The following ARHGEF10L variants were observed in gnomAD, a reference collection of about 807,000 sequenced individuals.
The protein encoded by ARHGEF10L is Rho guanine nucleotide exchange factor 10 like, also known as rho guanine nucleotide exchange factor 10-like protein.
ARHGEF10L carries 69 observed loss-of-function variants against 141.2 expected under a neutral mutation model. The observed-to-expected ratio is 0.49, with a 90% CI of 0.40 to 0.60. The LOEUF is 0.60. Ranked by LOEUF, ARHGEF10L falls within the 20% of genes least tolerant of loss-of-function variation. ARHGEF10L has a pLI of 0.00. For synonymous variants in ARHGEF10L, 711 were observed against 718.5 expected, an observed-to-expected ratio of 0.99 and a Z score of 0.17; for missense variants, 1,482 against 1,734.3, an observed-to-expected ratio of 0.85 and a Z score of 2.58.
chr1:17,676,428 A>ATGGGTGCAGGTG (rs534887362), intron 26 of ARHGEF10L, among the ~76,000 whole-genome samples: 1 of 130,606 alleles, frequency 7.7e-6, no homozygotes, highest in Non-Finnish European at 1.7e-5. Context: ...AGGTGCAGGC[A>ATGGGTGCAGGTG]TGGGTGCAGG....
At chr1:17,688,315 G>A (rs1340290461) in intron 27 of ARHGEF10L, among the ~76,000 whole-genome samples, 4 of 152,196 alleles carry the variant, frequency 2.6e-5, no homozygotes, top group South Asian at 2.1e-4. Context: ...GGGGAATGGC[G>A]GCGAAGGATT....
At position 17,638,550 on chromosome 1, in the gene ARHGEF10L, C is replaced by A; in HGVS notation, c.2044-12C>A. 1 of 1,614,160 alleles carries A rather than the reference C, an allele frequency of 6.2e-7. No homozygotes were observed. Among genetic ancestry groups the A allele is most frequent in the East Asian group, 2.2e-5 (1 of 44,886 alleles). ...TGCTGTGTGGTGACCTCATTGGCCT[C>A]CTGAACCCTAGAACCTGAACATGAC... On this transcript the variant is annotated splice_polypyrimidine_tract_variant and intron_variant, in intron 19 of 28. Coordinates refer to ENST00000361221, the MANE Select transcript of ARHGEF10L (RefSeq NM_018125.4).
chr1:17,544,511 T>C (rs1055466272), intron 1 of ARHGEF10L, among the ~76,000 whole-genome samples: 1 of 152,070 alleles, frequency 6.6e-6, no homozygotes, highest in Non-Finnish European at 1.5e-5. Flanking sequence ...GCCAGGCTGG[T>C]CTCAAACTCC....
At chr1:17,562,277 C>T (rs773194484) in intron 1 of ARHGEF10L, among the ~76,000 whole-genome samples, 1 of 152,132 alleles carries the variant, frequency 6.6e-6, no homozygotes, top group Non-Finnish European at 1.5e-5. Context: ...ATTGGCTGGG[C>T]GTGGTGGCGT....
chr1:17,653,350 G>C (rs776342710), intron 22 of ARHGEF10L, among the ~76,000 whole-genome samples: 1 of 152,212 alleles, frequency 6.6e-6, no homozygotes, highest in Admixed American at 6.5e-5. Context: ...ACATTTAGGG[G>C]CTAGGGCCTT....
chr1:17,606,883 G>A (rs942237625), intron 6 of ARHGEF10L, among the ~76,000 whole-genome samples: 2 of 152,192 alleles, frequency 1.3e-5, no homozygotes, highest in Non-Finnish European at 1.5e-5. Flanking sequence ...TCTCATAGCC[G>A]AGTTGAATGG....
intron 4 of ARHGEF10L, among the ~76,000 whole-genome samples, chr1:17,588,882 G>C (rs868493379): frequency 4.7e-5 from 5 of 106,242 alleles, no homozygotes; most frequent in African/African-American, 1.1e-4. Context: ...GTGTGTGTGT[G>C]TGTGTGTGTG....
At chr1:17,598,506 C>T (rs748110756) in intron 4 of ARHGEF10L, among the ~76,000 whole-genome samples, 5 of 152,144 alleles carry the variant, frequency 3.3e-5, no homozygotes, top group Non-Finnish European at 5.9e-5. Flanking sequence ...TAGATGACAC[C>T]TTCTCACTGT....
intron 7 of ARHGEF10L, among the ~76,000 whole-genome samples, chr1:17,612,285 A>G (rs1021431386): frequency 2.0e-5 from 3 of 151,648 alleles, no homozygotes; most frequent in African/African-American, 7.3e-5. Context: ...TGGTTGTTAA[A>G]TATTTGCCAG....
chr1:17,634,668 A>G (rs2060896316), intron 17 of ARHGEF10L, 106 bp downstream of exon 17: 4 of 1,508,470 alleles, frequency 2.7e-6, no homozygotes, highest in Admixed American at 2.1e-5. Flanking sequence ...TGGTGCTTCT[A>G]CCCTGGCGAG....
At position 17,547,052 on chromosome 1, in the gene ARHGEF10L, C is replaced by T. The variant is rs1026743607; in HGVS notation, c.-44+7102C>T. 6.6e-5 allele frequency among the ~76,000 whole-genome samples: 10 copies of T among 152,218 alleles called. 1 individual carries two copies. The South Asian group carries it at 1.0e-3, about 16-fold the overall frequency. On this transcript the variant is annotated intron_variant, in intron 1 of 28. Coordinates refer to ENST00000361221, the MANE Select transcript of ARHGEF10L (RefSeq NM_018125.4). Reference sequence around the variant, plus strand: ...CACTCTTGTGTCTTTCCTTGAGCAGCGCCAACCCTCCCAGGGCCTGGCCCG... The same window carrying T: ...CACTCTTGTGTCTTTCCTTGAGCAGTGCCAACCCTCCCAGGGCCTGGCCCG...
At chr1:17,635,249 C>T (rs1246288666) in intron 18 of ARHGEF10L, among the ~76,000 whole-genome samples, 1 of 152,196 alleles carries the variant, frequency 6.6e-6, no homozygotes, top group African/African-American at 2.4e-5. Context: ...CTTTGCTCCA[C>T]CTTCACATTG....
intron 1 of ARHGEF10L, among the ~76,000 whole-genome samples, chr1:17,579,933 G>A (rs964844333): frequency 6.6e-6 from 1 of 152,236 alleles, no homozygotes; most frequent in Non-Finnish European, 1.5e-5. Flanking sequence ...GTGCCCCCAC[G>A]CTGAGCATTT....
the ARHGEF10L span, among the ~76,000 whole-genome samples, chr1:17,526,953 C>A: frequency 2.6e-5 from 4 of 151,710 alleles, no homozygotes; most frequent in African/African-American, 9.7e-5. Context: ...CAGGATGCCT[C>A]GTTGTGCTGT....
chr1:17,637,483 G>A (rs1263801102), intron 18 of ARHGEF10L, among the ~76,000 whole-genome samples: 1 of 151,464 alleles, frequency 6.6e-6, no homozygotes, highest in Non-Finnish European at 1.5e-5. Context: ...GTAGGAACTG[G>A]ATGTTACTTT....
chr1:17,536,504 T>C (rs183875269), upstream of ARHGEF10L, among the ~76,000 whole-genome samples: 19 of 152,150 alleles, frequency 1.2e-4, no homozygotes, highest in East Asian at 3.5e-3. Context: ...AATGTGCTTC[T>C]GGGGAAGTGA....
chr1:17,617,570 C>A (rs1339450173), intron 9 of ARHGEF10L, among the ~76,000 whole-genome samples: 2 of 152,244 alleles, frequency 1.3e-5, no homozygotes, highest in Non-Finnish European at 2.9e-5. Flanking sequence ...TGATGGAATT[C>A]TGGGATGCCA....
At position 17,655,972 on chromosome 1, in the gene ARHGEF10L, G is replaced by A. The variant is rs140339083; in HGVS notation, c.2575G>A (p.Ala859Thr). Residue 859 changes from alanine (A) to threonine (T), a missense_variant, in exon 24 of 29, where the codon GCC becomes ACC. This residue lies in a region of ARHGEF10L where 858 missense variants were observed against 966.3 expected (regional missense o/e 0.89). Transcript: ENST00000361221. ...CACCGTCAAGTCCTTCCCACTGGCA[G>A]CCCCTGTGCTCTGCATGGAGTATAT... ...PRTVKSFPLAAPVLCMEYIPE... is the reference protein window; with the variant it reads ...PRTVKSFPLATPVLCMEYIPE... The A allele has an allele frequency of 4.5e-6, 7 of 1,565,352 alleles. No homozygotes were observed. The highest frequency in any genetic ancestry group is 5.2e-6 in the Non-Finnish European group (6 of 1,154,246).
At chr1:17,519,727 C>T in the ARHGEF10L span, among the ~76,000 whole-genome samples, 6 of 151,442 alleles carry the variant, frequency 4.0e-5, no homozygotes, top group Non-Finnish European at 7.4e-5. Context: ...CCCAGCTACT[C>T]GGGAGGCTGA....
Sources: allele counts gnomAD v4.1 joint callset (sites outside exome capture counted in the v4.1 genomes callset), GRCh38; gene constraint gnomAD v4.1.1; regional missense constraint gnomAD v4.1.1; transcripts MANE v1.5; gene names NCBI Gene and HGNC (gene_info 2026-07-23, HGNC 2026-07-21).